Variants in XCR1 observed in about 807,000 individuals in gnomAD.
The protein encoded by XCR1 is X-C motif chemokine receptor 1, also known as chemokine XC receptor 1.
For missense variants in XCR1, 356 were observed against 424.2 expected (o/e 0.84, Z 1.41); for synonymous variants, 187 against 188.5 (o/e 0.99, Z 0.06).
chr3:46,022,780 C>G (rs933342702), intron 1 of XCR1, among the ~76,000 whole-genome samples: 2 of 152,206 alleles, frequency 1.3e-5, no homozygotes, highest in African/African-American at 2.4e-5. Flanking sequence ...CACAACATAA[C>G]AATGTTTAGG....
At chr3:46,028,351 T>A (rs1446029172), upstream of XCR1, among the ~76,000 whole-genome samples, 1 of 152,156 alleles carries the variant, frequency 6.6e-6, no homozygotes, top group East Asian at 1.9e-4. Context: ...AGCATCTTTT[T>A]ATATGTGTAT....
chr3:46,075,622 T>C (rs771256871), intron 2 of XCR1, among the ~76,000 whole-genome samples: 1 of 152,118 alleles, frequency 6.6e-6, no homozygotes, highest in Admixed American at 6.6e-5. Context: ...TCCAACCACA[T>C]ATCAGACAAA....
chr3:46,030,758 C>T (rs1393265046), upstream of XCR1, among the ~76,000 whole-genome samples: 1 of 152,142 alleles, frequency 6.6e-6, no homozygotes, highest in East Asian at 1.9e-4. Flanking sequence ...CCTCTGTGCC[C>T]TGCATCCCCA....
chr3:46,069,015 T>C (rs560215571), intron 3 of XCR1, among the ~76,000 whole-genome samples: 1 of 151,790 alleles, frequency 6.6e-6, no homozygotes, highest in Non-Finnish European at 1.5e-5. Context: ...AATCCAAAGG[T>C]CAAAGAAGTC....
intron 1 of XCR1, among the ~76,000 whole-genome samples, chr3:46,082,476 CTTTT>C (rs61282576): frequency 6.0e-5 from 6 of 100,034 alleles, no homozygotes; most frequent in African/African-American, 1.5e-4. Flanking sequence ...AATCAGGCTC[CTTTT>C]TTTTTTTTTT....
intron 5 of XCR1, among the ~76,000 whole-genome samples, chr3:46,050,821 A>G (rs1270178317): frequency 1.3e-5 from 2 of 152,204 alleles, no homozygotes; most frequent in African/African-American, 4.8e-5. Context: ...GTCTCTTGAA[A>G]TGGCCACTGG....
At chr3:46,032,700 A>G (rs983882807) in intron 5 of XCR1, among the ~76,000 whole-genome samples, 1 of 152,226 alleles carries the variant, frequency 6.6e-6, no homozygotes, top group African/African-American at 2.4e-5. Flanking sequence ...TAAACTGTAA[A>G]ACTGTCTTCC....
chr3:46,030,247 CTTA>C (rs1708372217), upstream of XCR1, among the ~76,000 whole-genome samples: 2 of 152,132 alleles, frequency 1.3e-5, no homozygotes, highest in South Asian at 4.1e-4. Flanking sequence ...TGTTTCTGAT[CTTA>C]GGAGAAAAGC....
rs751147788 is a variant in XCR1 at position 46,021,526 on chromosome 3, G to A, written c.422C>T (p.Pro141Leu). The change falls in exon 2 of 2, where the codon CCC (proline) becomes CTC (leucine). Residue 141 changes from proline (P) to leucine (L), a missense_variant. Coordinates refer to ENST00000309285, the MANE Select transcript of XCR1 (RefSeq NM_001024644.2). The surrounding 1 kb of genome is among the most constrained non-coding windows in gnomAD (Gnocchi z 4.7). Reference sequence around the variant, plus strand: ...CACCAGCACCCGGCAGCGGAGGGTGGGGACGCGCAGGGTGGAGAGGGGGCT... The same window carrying A: ...CACCAGCACCCGGCAGCGGAGGGTGAGGACGCGCAGGGTGGAGAGGGGGCT... ...VVSPLSTLRVPTLRCRVLVTM... is the reference protein window; with the variant it reads ...VVSPLSTLRVLTLRCRVLVTM... The A allele has an allele frequency of 6.2e-6, 10 of 1,611,246 alleles. No individual in the cohort carries two copies. The highest frequency in any genetic ancestry group is 8.5e-6 in the Non-Finnish European group (10 of 1,178,564).
At position 46,035,409 on chromosome 3, in the gene XCR1, T is replaced by A. The variant is rs147688766; in HGVS notation, c.-31-13431A>T. On this transcript the variant is annotated intron_variant, in intron 5 of 5. Transcript: ENST00000683768. ...TCTTCATTGGCAATAATTGTCTCAG[T>A]CATTGGTTTTCTGTGCCATGAGCAA... is the stretch of plus-strand genomic sequence containing the variant. Among the ~76,000 whole-genome samples the A allele has an allele frequency of 2.6e-5, 4 of 152,342 alleles. No homozygotes were observed. The East Asian group carries it at 7.7e-4, about 29-fold the overall frequency.
chr3:46,038,980 T>TA (rs879458237), intron 5 of XCR1, among the ~76,000 whole-genome samples: 52 of 144,074 alleles, frequency 3.6e-4, no homozygotes, highest in Middle Eastern at 3.5e-3. Flanking sequence ...ATTAAGTGGT[T>TA]AAAAAAAAAA....
At chr3:46,029,780 G>A (rs1383200508), upstream of XCR1, among the ~76,000 whole-genome samples, 2 of 152,106 alleles carry the variant, frequency 1.3e-5, no homozygotes, top group African/African-American at 4.8e-5. Context: ...TAACAATATT[G>A]GGTCTTCCAA....
intron 5 of XCR1, among the ~76,000 whole-genome samples, chr3:46,033,734 A>G (rs1697354048): frequency 6.6e-6 from 1 of 152,202 alleles, no homozygotes; most frequent in Non-Finnish European, 1.5e-5. Context: ...GGATTGCATT[A>G]TAGCTATAGA....
intron 1 of XCR1, chr3:46,023,246 C>T (rs1441305328): frequency 3.5e-5 from 22 of 622,876 alleles, no homozygotes; most frequent in Non-Finnish European, 5.7e-6. Flanking sequence ...CTGCGATCCC[C>T]TCCATGTTCC....
rs144371089 is a variant in XCR1 at position 46,021,511 on chromosome 3, C to T, written c.437G>A (p.Arg146Gln). Residue 146 changes from arginine (R) to glutamine (Q), a missense_variant, in exon 2 of 2, where the codon CGG becomes CAG. Physicochemically the swap from Arg to Gln is conservative, Grantham distance 43 (BLOSUM62 1). Transcript: ENST00000309285. This position sits in a 1 kb window ranked among gnomAD's most constrained non-coding sequence, Gnocchi z 4.7. ...CCACACAGCCATGGTCACCAGCACC[C>T]GGCAGCGGAGGGTGGGGACGCGCAG... is the stretch of plus-strand genomic sequence containing the variant. Reference protein sequence around the residue: ...STLRVPTLRCRVLVTMAVWVA... With the variant: ...STLRVPTLRCQVLVTMAVWVA... 8.7e-6 allele frequency: 14 copies of T among 1,612,628 alleles called. No individual in the cohort carries two copies. The highest frequency in any genetic ancestry group is 8.0e-5 in the African/African-American group (6 of 74,952).
At chr3:46,022,078 T>A in intron 1 of XCR1, 100 bp from the exon 2 acceptor site, 1 of 1,060,546 alleles carries the variant, frequency 9.4e-7, no homozygotes, top group Admixed American at 2.8e-5. Context: ...AGGGAGAGGA[T>A]TGCTTGACCC....
At chr3:46,039,911 G>C (rs1233680302) in intron 5 of XCR1, among the ~76,000 whole-genome samples, 1 of 152,108 alleles carries the variant, frequency 6.6e-6, no homozygotes, top group Non-Finnish European at 1.5e-5. Flanking sequence ...GCATTGATCT[G>C]TTTTTCAATA....
chr3:46,084,435 C>G (rs921215055), intron 1 of XCR1, among the ~76,000 whole-genome samples: 1 of 152,186 alleles, frequency 6.6e-6, no homozygotes, highest in African/African-American at 2.4e-5. Flanking sequence ...TAAGTAATTA[C>G]CTCTTGAAGC....
intron 4 of XCR1, among the ~76,000 whole-genome samples, chr3:46,060,825 T>C (rs1697948557): frequency 6.6e-6 from 1 of 152,218 alleles, no homozygotes; most frequent in African/African-American, 2.4e-5. Flanking sequence ...TACTACAAGA[T>C]ATTGCCATCT....
Sources: gnomAD v4.1 joint callset for allele counts (sites outside exome capture counted in the v4.1 genomes callset) on GRCh38, gnomAD v4.1.1 for gene constraint, Gnocchi (gnomAD v3.1) non-coding constraint, MANE v1.5 for transcripts, NCBI Gene and HGNC (gene_info 2026-07-23, HGNC 2026-07-21) for gene names.